NRP1: variants seen among roughly 807,000 people sequenced by gnomAD.
The protein encoded by NRP1 is neuropilin-1.
A neutral mutation model predicts 106.7 loss-of-function variants in NRP1; 35 were observed. The observed-to-expected ratio is 0.33, with a 90% CI of 0.25 to 0.43. NRP1 has a LOEUF of 0.43. NRP1 is among the 20% of genes least tolerant of loss of function. The pLI is 1.00. For synonymous variants in NRP1, 437 were observed against 417.9 expected (o/e 1.05, Z -0.56); for missense variants, 1,024 against 1,170.4 (o/e 0.87, Z 1.83).
At chr10:33,236,881 C>A (rs1182168631) in intron 6 of NRP1, among the ~76,000 whole-genome samples, 1 of 152,196 alleles carries the variant, frequency 6.6e-6, no homozygotes, top group Non-Finnish European at 1.5e-5. Context: ...TAAGTGCTAA[C>A]TTCCTGTACC....
intron 6 of NRP1, 40 bp from the exon 7 acceptor site, chr10:33,226,329 G>A (rs758330641): frequency 6.2e-7 from 1 of 1,606,230 alleles, no homozygotes; most frequent in Non-Finnish European, 8.5e-7. Flanking sequence ...CACCATCCCT[G>A]CAGCACAGTA....
At chr10:33,243,130 C>T (rs1841148304) in intron 6 of NRP1, among the ~76,000 whole-genome samples, 1 of 152,032 alleles carries the variant, frequency 6.6e-6, no homozygotes. Flanking sequence ...CAAGATAGCA[C>T]AAAAGCACCA....
intron 2 of NRP1, among the ~76,000 whole-genome samples, chr10:33,329,830 C>T (rs578156319): frequency 1.3e-5 from 2 of 152,246 alleles, no homozygotes; most frequent in South Asian, 2.1e-4. Context: ...TTAAGAGAGA[C>T]GAGCAAACAT....
chr10:33,321,726 G>T (rs1847526045), intron 2 of NRP1, among the ~76,000 whole-genome samples: 1 of 152,172 alleles, frequency 6.6e-6, no homozygotes, highest in Non-Finnish European at 1.5e-5. Context: ...GTCAGACAAG[G>T]ACTTGGAATC....
rs116667001 is a variant in NRP1 at position 33,223,239 on chromosome 10, G to A, written c.1138-1376C>T. 3.2e-3 allele frequency among the ~76,000 whole-genome samples: 491 copies of A among 152,252 alleles called. 5 individuals carry two copies. The highest frequency in any genetic ancestry group is 0.011 in the African/African-American group (439 of 41,544). The stretch of plus-strand genomic sequence containing the variant: ...TTCCCAAGTCCTGCTCTTCCACCTG[G>A]GAGAAAGGGCTTGTGAAAGTCGGGC... On this transcript the variant is annotated intron_variant, in intron 7 of 16. Coordinates refer to ENST00000374867, the MANE Select transcript of NRP1 (RefSeq NM_003873.7).
intron 2 of NRP1, among the ~76,000 whole-genome samples, chr10:33,274,702 C>T (rs953517988): frequency 2.0e-5 from 3 of 152,060 alleles, no homozygotes; most frequent in African/African-American, 7.2e-5. Context: ...CTGCACCAAC[C>T]CCCCAGGCTT....
intron 3 of NRP1, among the ~76,000 whole-genome samples, chr10:33,268,779 TCAAA>T (rs1340326801): frequency 6.6e-6 from 1 of 152,296 alleles, no homozygotes; most frequent in Admixed American, 6.5e-5. Flanking sequence ...CTATAACAAG[TCAAA>T]CAGTTTTCAT....
chr10:33,272,374 T>C (rs1843367989), intron 2 of NRP1, among the ~76,000 whole-genome samples: 2 of 152,198 alleles, frequency 1.3e-5, no homozygotes, highest in Non-Finnish European at 2.9e-5. Flanking sequence ...CAGTAGTAGA[T>C]ACTTGGCCTG....
At chr10:33,244,964 A>T (rs910814762) in intron 6 of NRP1, among the ~76,000 whole-genome samples, 7 of 152,216 alleles carry the variant, frequency 4.6e-5, no homozygotes, top group African/African-American at 1.7e-4. Context: ...CTAAAATAAC[A>T]TCTGTATTTA....
chr10:33,315,096 C>T (rs1204573408), intron 2 of NRP1, among the ~76,000 whole-genome samples: 2 of 152,166 alleles, frequency 1.3e-5, no homozygotes, highest in East Asian at 1.9e-4. Flanking sequence ...GCAATCAGGA[C>T]GTATGCCTAC....
At chr10:33,218,134 A>G (rs1838924824) in intron 8 of NRP1, among the ~76,000 whole-genome samples, 1 of 152,198 alleles carries the variant, frequency 6.6e-6, no homozygotes, top group African/African-American at 2.4e-5. Context: ...AACAGAAGAT[A>G]GCAGAGTTCA....
At chr10:33,237,480 T>TGCACGC (rs1554788783) in intron 6 of NRP1, among the ~76,000 whole-genome samples, 1 of 132,114 alleles carries the variant, frequency 7.6e-6, no homozygotes, top group Non-Finnish European at 1.6e-5. Context: ...GAAACACACA[T>TGCACGC]GCGCGCGCAC....
chr10:33,261,745 C>CT (rs1411947807), intron 4 of NRP1, among the ~76,000 whole-genome samples: 4 of 151,854 alleles, frequency 2.6e-5, no homozygotes, highest in African/African-American at 7.3e-5. Context: ...TTTACTTATT[C>CT]TTTTTTTTAA....
At chr10:33,226,312 G>A in intron 6 of NRP1, 23 bp from the exon 7 acceptor site, 1 of 1,613,522 alleles carries the variant, frequency 6.2e-7, no homozygotes, top group Non-Finnish European at 8.5e-7. Flanking sequence ...TACAAGCGTG[G>A]TCAGTGCACC....
At chr10:33,262,238 C>G (rs1842623023) in intron 4 of NRP1, among the ~76,000 whole-genome samples, 1 of 152,166 alleles carries the variant, frequency 6.6e-6, no homozygotes, top group Non-Finnish European at 1.5e-5. Flanking sequence ...AGCAATGCAG[C>G]TGTTAACAAA....
intron 8 of NRP1, among the ~76,000 whole-genome samples, chr10:33,220,418 T>C (rs1031566278): frequency 7.9e-5 from 12 of 152,190 alleles, no homozygotes; most frequent in Admixed American, 1.3e-4. Context: ...TTTAATTACT[T>C]TTTAGTGAGT....
chr10:33,276,828 T>C (rs980359727), intron 2 of NRP1, among the ~76,000 whole-genome samples: 1 of 152,148 alleles, frequency 6.6e-6, no homozygotes, highest in South Asian at 2.1e-4. Context: ...CAAAGATTTA[T>C]TGAAAGGACT....
At chr10:33,290,865 G>C (rs1381850330) in intron 2 of NRP1, among the ~76,000 whole-genome samples, 1 of 152,160 alleles carries the variant, frequency 6.6e-6, no homozygotes, top group Non-Finnish European at 1.5e-5. Flanking sequence ...CTCAAGGTGC[G>C]TGGGGCCATT....
intron 3 of NRP1, among the ~76,000 whole-genome samples, chr10:33,270,304 G>T (rs146724638): frequency 7.9e-4 from 119 of 151,270 alleles, no homozygotes; most frequent in African/African-American, 2.6e-3. Flanking sequence ...TTTGTCTTTC[G>T]TGAAATCAAA....
Sources: gnomAD v4.1 joint callset for allele counts (sites outside exome capture counted in the v4.1 genomes callset) on GRCh38, gnomAD v4.1.1 for gene constraint, MANE v1.5 for transcripts, NCBI Gene and HGNC (gene_info 2026-07-23, HGNC 2026-07-21) for gene names.